Variants in CNTN5 observed in about 807,000 individuals in gnomAD.
The protein encoded by CNTN5 is contactin 5.
In CNTN5, 77 loss-of-function variants were observed where a neutral mutation model predicts 129.1. The ratio of observed to expected loss-of-function variants is 0.60; its 90% CI spans 0.50 to 0.72. The LOEUF (loss-of-function observed/expected upper bound fraction) is 0.72. Among genes scored for constraint, CNTN5 ranks in the 30% least tolerant of loss-of-function variants. The probability of loss-of-function intolerance (pLI) is 0.00; values close to 1 mark genes in which losing one functional copy is unlikely to be tolerated. For missense variants in CNTN5, 1,478 were observed against 1,328.8 expected (o/e 1.11, Z -1.75); for synonymous variants, 509 against 465.6 (o/e 1.09, Z -1.20).
chr11:99,141,938 C>T (rs954185708), intron 1 of CNTN5, among the ~76,000 whole-genome samples: 1 of 152,132 alleles, frequency 6.6e-6, no homozygotes, highest in African/African-American at 2.4e-5. Flanking sequence ...TGCCATGTAC[C>T]TATGAGAAGA....
At chr11:100,191,959 A>G (rs574156389) in intron 14 of CNTN5, among the ~76,000 whole-genome samples, 3 of 152,056 alleles carry the variant, frequency 2.0e-5, no homozygotes, top group African/African-American at 7.2e-5. Flanking sequence ...CATGTATCAT[A>G]TGGCAAACCA....
intron 13 of CNTN5, among the ~76,000 whole-genome samples, chr11:100,162,728 T>TTCATC (rs1947497326): frequency 1.3e-5 from 2 of 152,022 alleles, no homozygotes; most frequent in South Asian, 4.1e-4. Context: ...AACTTGATAT[T>TTCATC]TCATCTCTTG....
At chr11:99,414,955 C>T (rs1298387049) in intron 2 of CNTN5, among the ~76,000 whole-genome samples, 7 of 152,098 alleles carry the variant, frequency 4.6e-5, no homozygotes, top group Admixed American at 4.6e-4. Flanking sequence ...TTATAAATAT[C>T]TGAACTATTT....
At chr11:99,271,676 T>C (rs893296678) in intron 1 of CNTN5, among the ~76,000 whole-genome samples, 2 of 151,780 alleles carry the variant, frequency 1.3e-5, no homozygotes, top group Non-Finnish European at 2.9e-5. Context: ...AAGGCTTAAC[T>C]AGAGCTGCAG....
Position 99,656,826 on chromosome 11 carries a change from C to G in CNTN5, c.55+100557C>G, listed in dbSNP as rs965353940. Among the ~76,000 whole-genome samples, 9 of 152,166 alleles carry G rather than the reference C, an allele frequency of 5.9e-5. No individual in the cohort carries two copies. In the East Asian group the frequency reaches 1.7e-3, roughly 29 times the overall value. On this transcript the variant is annotated intron_variant, in intron 3 of 24. Transcript: ENST00000524871. Reference sequence around the variant, plus strand: ...TCATTATCAGGCAGCTTATAAGCCTCTCTGACTCTGTTCAGGGCCTCCAAA... The same window carrying G: ...TCATTATCAGGCAGCTTATAAGCCTGTCTGACTCTGTTCAGGGCCTCCAAA...
At chr11:100,252,149 G>T (rs555749198) in intron 16 of CNTN5, among the ~76,000 whole-genome samples, 130 of 152,170 alleles carry the variant, frequency 8.5e-4, no homozygotes, top group African/African-American at 2.7e-3. Flanking sequence ...GTTTTGATTT[G>T]CATTTCCCTG....
At chr11:99,933,637 T>C (rs1425973941) in intron 7 of CNTN5, among the ~76,000 whole-genome samples, 1 of 152,220 alleles carries the variant, frequency 6.6e-6, no homozygotes, top group Non-Finnish European at 1.5e-5. Flanking sequence ...GATTCAGGCA[T>C]GTTGCTGAGG....
chr11:99,195,214 T>A (rs890452265), intron 1 of CNTN5, among the ~76,000 whole-genome samples: 1 of 152,186 alleles, frequency 6.6e-6, no homozygotes, highest in Non-Finnish European at 1.5e-5. Context: ...TAAAAATATA[T>A]CTCATTCCTC....
At chr11:99,872,924 A>G (rs529144098) in intron 6 of CNTN5, among the ~76,000 whole-genome samples, 7 of 152,302 alleles carry the variant, frequency 4.6e-5, no homozygotes, top group African/African-American at 1.7e-4. Flanking sequence ...TAGCTAACCA[A>G]CCGTATACTA....
chr11:100,337,912 A>G (rs1194849203), intron 21 of CNTN5, among the ~76,000 whole-genome samples: 1 of 152,212 alleles, frequency 6.6e-6, no homozygotes. Flanking sequence ...ATAAATGAAA[A>G]CATGCTCATG....
intron 6 of CNTN5, among the ~76,000 whole-genome samples, chr11:99,893,146 T>G (rs1949109315): frequency 6.6e-6 from 1 of 152,104 alleles, no homozygotes; most frequent in South Asian, 2.1e-4. Flanking sequence ...AGTAGGAAAA[T>G]TCCAGAACAT....
chr11:99,506,329 GAC>G (rs1274158774), intron 2 of CNTN5, among the ~76,000 whole-genome samples: 1 of 152,174 alleles, frequency 6.6e-6, no homozygotes, highest in African/African-American at 2.4e-5. Context: ...AATGGCATGA[GAC>G]AGTTATTCTT....
chr11:99,818,507 C>A (rs937223285), intron 3 of CNTN5, among the ~76,000 whole-genome samples: 1 of 152,170 alleles, frequency 6.6e-6, no homozygotes, highest in Admixed American at 6.5e-5. Context: ...TCTCCCACCT[C>A]GGCTTCCCTG....
At chr11:99,490,377 A>G (rs995817849) in intron 2 of CNTN5, among the ~76,000 whole-genome samples, 4 of 152,206 alleles carry the variant, frequency 2.6e-5, no homozygotes, top group African/African-American at 9.6e-5. Flanking sequence ...GAACAAAGTA[A>G]TCTGCTTACA....
chr11:99,556,362 T>C, intron 3 of CNTN5, 93 bp downstream of exon 3: 1 of 710,608 alleles, frequency 1.4e-6, no homozygotes, highest in Non-Finnish European at 2.3e-6. Flanking sequence ...CCTCAGGTAT[T>C]AATTTAAATT....
intron 13 of CNTN5, among the ~76,000 whole-genome samples, chr11:100,156,229 C>T (rs781141085): frequency 1.3e-5 from 2 of 152,024 alleles, no homozygotes; most frequent in Non-Finnish European, 2.9e-5. Flanking sequence ...TGAATTTTGT[C>T]GAAGGCCTTT....
chr11:99,972,222 C>A (rs1033524540), intron 8 of CNTN5, among the ~76,000 whole-genome samples: 1 of 151,956 alleles, frequency 6.6e-6, no homozygotes, highest in African/African-American at 2.4e-5. Flanking sequence ...GATTGCGCCA[C>A]TGCACTCCAG....
At chr11:99,995,574 G>A (rs10894231) in intron 8 of CNTN5, among the ~76,000 whole-genome samples, 57,390 of 151,784 alleles carry the variant, frequency 0.38, 12,346 homozygotes, top group African/African-American at 0.59. Flanking sequence ...TACTCTATTT[G>A]GATTTCTTCT....
At chr11:99,682,122 A>G (rs1239874741) in intron 3 of CNTN5, among the ~76,000 whole-genome samples, 2 of 152,102 alleles carry the variant, frequency 1.3e-5, no homozygotes, top group African/African-American at 2.4e-5. Context: ...ATAATCTATC[A>G]TATAATGAGT....
Sources: allele counts gnomAD v4.1 joint callset (sites outside exome capture counted in the v4.1 genomes callset), GRCh38; gene constraint gnomAD v4.1.1; transcripts MANE v1.5; gene names NCBI Gene and HGNC (gene_info 2026-07-23, HGNC 2026-07-21).